Variants in NTM observed in about 807,000 individuals in gnomAD.
NTM encodes the protein IgLON family member 2.
A neutral mutation model predicts 42.1 loss-of-function variants in NTM; 13 were observed. The ratio of observed to expected loss-of-function variants is 0.31; its 90% CI spans 0.20 to 0.49. The LOEUF (loss-of-function observed/expected upper bound fraction) is 0.49. Ranked by LOEUF, NTM falls within the 20% of genes least tolerant of loss-of-function variation. NTM has a pLI of 0.99. For missense variants in NTM, 373 were observed against 452.8 expected, an observed-to-expected ratio of 0.82 and a Z score of 1.60; for synonymous variants, 187 against 179.2, an observed-to-expected ratio of 1.04 and a Z score of -0.35.
intron 1 of NTM, among the ~76,000 whole-genome samples, chr11:131,892,881 C>G (rs1477882281): frequency 1.3e-5 from 2 of 152,244 alleles, no homozygotes; most frequent in Admixed American, 6.5e-5. Context: ...AGCTTCCAGA[C>G]AGAAAACTCT....
At chr11:131,883,329 C>G (rs1210902982) in intron 1 of NTM, among the ~76,000 whole-genome samples, 2 of 152,192 alleles carry the variant, frequency 1.3e-5, no homozygotes, top group Non-Finnish European at 2.9e-5. Flanking sequence ...GTGGGCTTCT[C>G]CATCATGATG....
chr11:131,965,807 CTG>C (rs1199054874), intron 2 of NTM, among the ~76,000 whole-genome samples: 8 of 152,096 alleles, frequency 5.3e-5, no homozygotes, highest in Admixed American at 5.2e-4. Flanking sequence ...AAGGTGAGGA[CTG>C]TGTCTGAGTT....
At chr11:132,214,182 T>C (rs180744366) in intron 4 of NTM, among the ~76,000 whole-genome samples, 17 of 152,306 alleles carry the variant, frequency 1.1e-4, no homozygotes, top group Non-Finnish European at 1.9e-4. Context: ...TCATTAGTGA[T>C]GGAAAATGGC....
In NTM at chr11:131,708,259, T is replaced by G. The variant is rs572494940; in HGVS notation, c.83-203305T>G. ...TGAATTCTTCAATAGTAAAATAAAC[T>G]GAAAATATGAAGAGCTAGTTAAAAT... On this transcript the variant is annotated intron_variant, in intron 1 of 8. Transcript: ENST00000683400. Among the ~76,000 whole-genome samples, 7 of 152,180 alleles carry G rather than the reference T, an allele frequency of 4.6e-5. No individual in the cohort carries two copies. The South Asian group carries it at 1.2e-3, about 27-fold the overall frequency.
At chr11:131,432,008 A>G (rs377567870) in intron 1 of NTM, among the ~76,000 whole-genome samples, 1 of 152,218 alleles carries the variant, frequency 6.6e-6, no homozygotes, top group Non-Finnish European at 1.5e-5. Flanking sequence ...TTCCTATTTG[A>G]TGAATGAAAA....
chr11:132,187,250 T>C (rs904639351), intron 3 of NTM, among the ~76,000 whole-genome samples: 1 of 151,402 alleles, frequency 6.6e-6, no homozygotes, highest in Admixed American at 6.6e-5. Flanking sequence ...TGTGTGTGCG[T>C]GTGCGTGTTT....
intron 1 of NTM, among the ~76,000 whole-genome samples, chr11:131,486,616 T>C (rs983155009): frequency 6.6e-6 from 1 of 152,176 alleles, no homozygotes; most frequent in Non-Finnish European, 1.5e-5. Context: ...CTGAACTCCA[T>C]ACAATTCCGC....
intron 2 of NTM, among the ~76,000 whole-genome samples, chr11:132,071,770 G>A (rs2057709365): frequency 1.3e-5 from 2 of 151,972 alleles, no homozygotes; most frequent in African/African-American, 4.8e-5. Flanking sequence ...TGGAATTAGA[G>A]TTCATAGCTT....
chr11:131,895,020 C>T (rs2052032741), intron 1 of NTM, among the ~76,000 whole-genome samples: 1 of 152,168 alleles, frequency 6.6e-6, no homozygotes, highest in South Asian at 2.1e-4. Flanking sequence ...GCACACCGGG[C>T]AAGCCTGAAG....
intron 1 of NTM, among the ~76,000 whole-genome samples, chr11:131,682,301 G>A (rs1488380983): frequency 1.3e-5 from 2 of 152,216 alleles, no homozygotes; most frequent in Non-Finnish European, 2.9e-5. Context: ...CTGCCTGGAA[G>A]GCTGCTGTGA....
chr11:132,175,596 T>C (rs1434712379), intron 3 of NTM, among the ~76,000 whole-genome samples: 2 of 136,802 alleles, frequency 1.5e-5, no homozygotes, highest in East Asian at 2.0e-4. Context: ...CCCACCCCCC[T>C]TTTTTTTTTC....
chr11:131,764,143 G>A lies in NTM; in HGVS notation c.83-147421G>A, dbSNP rs138245889. Among the ~76,000 whole-genome samples the A allele has an allele frequency of 1.5e-4, 23 of 151,844 alleles. No individual in the cohort carries two copies. The Middle Eastern group carries it at 0.01, about 68-fold the overall frequency. The stretch of plus-strand genomic sequence containing the variant: ...ATTAATGGCCATAACAGTAATAAGC[G>A]GCAACATTACCACTTGCTTTTTGTT... On this transcript the variant is annotated intron_variant, in intron 1 of 8. Coordinates refer to ENST00000683400, the MANE Select transcript of NTM (RefSeq NM_001352005.2).
chr11:131,886,495 C>G (rs2050417872), intron 1 of NTM, among the ~76,000 whole-genome samples: 1 of 152,232 alleles, frequency 6.6e-6, no homozygotes, highest in Non-Finnish European at 1.5e-5. Flanking sequence ...GTCACTTTTG[C>G]TCATATTTGC....
intron 2 of NTM, among the ~76,000 whole-genome samples, chr11:132,017,152 G>C (rs1025716111): frequency 3.3e-5 from 5 of 151,802 alleles, no homozygotes; most frequent in African/African-American, 9.7e-5. Context: ...TTTGATGAAA[G>C]TCAGTTTATC....
At chr11:131,502,327 A>G (rs972639591) in intron 1 of NTM, among the ~76,000 whole-genome samples, 3 of 152,198 alleles carry the variant, frequency 2.0e-5, no homozygotes, top group African/African-American at 7.2e-5. Context: ...CTCACTGGAC[A>G]TGGAATCTGT....
Position 131,826,517 on chromosome 11 carries a change from G to T in NTM, c.83-85047G>T, listed in dbSNP as rs539989744. On this transcript the variant is annotated intron_variant, in intron 1 of 8. Transcript: ENST00000683400. ...CAGACGGCAGTGTCCTCAGTAGATAGACAGGCTTGGACAGTCAGCTACGTC... is the reference window on the plus strand; with the variant it reads ...CAGACGGCAGTGTCCTCAGTAGATATACAGGCTTGGACAGTCAGCTACGTC... 4.7e-5 allele frequency among the ~76,000 whole-genome samples: 7 copies of T among 150,166 alleles called. No homozygotes were observed. In the South Asian group the frequency reaches 1.5e-3, roughly 31 times the overall value.
At chr11:131,503,549 G>T (rs1278246847) in intron 1 of NTM, among the ~76,000 whole-genome samples, 1 of 148,002 alleles carries the variant, frequency 6.8e-6, no homozygotes, top group Non-Finnish European at 1.5e-5. Context: ...TTGAGACAAG[G>T]TCTTACTCTG....
chr11:131,498,500 G>T (rs1300207403), intron 1 of NTM, among the ~76,000 whole-genome samples: 4 of 152,068 alleles, frequency 2.6e-5, no homozygotes, highest in South Asian at 2.1e-4. Flanking sequence ...CTCTACTCTT[G>T]CCTATGACCT....
intron 1 of NTM, among the ~76,000 whole-genome samples, chr11:131,616,722 C>T (rs1000631612): frequency 2.0e-5 from 3 of 151,558 alleles, no homozygotes; most frequent in Admixed American, 6.6e-5. Flanking sequence ...AGAGAACATG[C>T]GGTCAGGAGG....
Sources: gnomAD v4.1 joint callset for allele counts (sites outside exome capture counted in the v4.1 genomes callset) on GRCh38, gnomAD v4.1.1 for gene constraint, MANE v1.5 for transcripts, NCBI Gene and HGNC (gene_info 2026-07-23, HGNC 2026-07-21) for gene names.